Variants in COQ5 observed in about 807,000 individuals in gnomAD.
COQ5 encodes the protein 2-methoxy-6-polyprenyl-1,4-benzoquinol methylase, mitochondrial.
COQ5 carries 27 observed loss-of-function variants against 40.5 expected under a neutral mutation model. The ratio of observed to expected loss-of-function variants is 0.67; its 90% CI spans 0.49 to 0.92. The LOEUF is 0.92. COQ5 is among the 40% of genes least tolerant of loss of function. COQ5 has a pLI of 0.00. For missense variants in COQ5, 409 were observed against 406.4 expected (o/e 1.01, Z -0.06); for synonymous variants, 141 against 150.0 (o/e 0.94, Z 0.44).
intron 4 of COQ5, among the ~76,000 whole-genome samples, chr12:120,508,737 T>A (rs547704857): frequency 1.4e-4 from 22 of 152,058 alleles, no homozygotes; most frequent in South Asian, 8.3e-4. Flanking sequence ...TATTAAAAAA[T>A]TTTTTTCCCC....
chr12:120,505,368 C>CT (rs749349147), intron 4 of COQ5, among the ~76,000 whole-genome samples: 2 of 149,526 alleles, frequency 1.3e-5, no homozygotes, highest in African/African-American at 2.5e-5. Flanking sequence ...GGGTTATTCA[C>CT]TTTTTTTTTT....
At chr12:120,509,204 G>GTTTTGAATA (rs971580518) in intron 4 of COQ5, among the ~76,000 whole-genome samples, 1 of 151,734 alleles carries the variant, frequency 6.6e-6, no homozygotes, top group African/African-American at 2.4e-5. Context: ...GTCTTCAAGT[G>GTTTTGAATA]TTTTGAACAG....
intron 3 of COQ5, among the ~76,000 whole-genome samples, chr12:120,515,035 A>G (rs1593018981): frequency 6.6e-6 from 1 of 150,660 alleles, no homozygotes; most frequent in Admixed American, 6.6e-5. Flanking sequence ...CAGGGGATCC[A>G]CCCCCCCTCG....
At position 120,503,675 on chromosome 12, in the gene COQ5, C is replaced by T. The variant is rs1868735856; in HGVS notation, c.*109G>A. On this transcript the variant is annotated 3_prime_UTR_variant, in exon 7 of 7. Transcript: ENST00000288532. ...TCGATTCAAACATGAGTCCAAGGCA[C>T]GTATCCTTAAGAGGAGATGCTCTGC... The T allele has an allele frequency of 5.0e-6, 4 of 797,258 alleles. No individual in the cohort carries two copies. The highest frequency in any genetic ancestry group is 1.7e-5 in the African/African-American group (1 of 58,758). The allele number at this position is 797,258 out of a possible 1,614,324, so 49.4% of individuals were successfully genotyped here. A position where few individuals can be genotyped will look rare whatever the true frequency, so the allele number is the denominator to read the frequency against.
At chr12:120,519,338 C>A (rs1869535405) in intron 2 of COQ5, among the ~76,000 whole-genome samples, 1 of 152,114 alleles carries the variant, frequency 6.6e-6, no homozygotes, top group Non-Finnish European at 1.5e-5. Flanking sequence ...GTGGGCGGAT[C>A]ACCTTAGGTC....
At chr12:120,510,579 G>A (rs1565929889) in intron 3 of COQ5, among the ~76,000 whole-genome samples, 1 of 152,146 alleles carries the variant, frequency 6.6e-6, no homozygotes. Context: ...CTCCCAAAGT[G>A]CTGGAATTAC....
chr12:120,516,431 A>G, intron 3 of COQ5, 136 bp downstream of exon 3: 1 of 798,412 alleles, frequency 1.3e-6, no homozygotes, highest in Non-Finnish European at 2.2e-6. Flanking sequence ...AGATTCAGCC[A>G]TGCAAATCAT....
intron 2 of COQ5, among the ~76,000 whole-genome samples, chr12:120,518,471 C>T (rs942576243): frequency 6.7e-6 from 1 of 149,702 alleles, no homozygotes; most frequent in African/African-American, 2.4e-5. Context: ...TTTGTTTTTC[C>T]TACACTATTT....
chr12:120,523,541 C>A, intron 1 of COQ5: 1 of 196,494 alleles, frequency 5.1e-6, no homozygotes, highest in South Asian at 7.8e-5. Context: ...AAATGTACTT[C>A]ATGGAAGAAA....
chr12:120,522,884 G>C, intron 1 of COQ5: 2 of 722,352 alleles, frequency 2.8e-6, no homozygotes, highest in African/African-American at 1.7e-5. Context: ...TAACCTCCTT[G>C]GGCTTTACAA....
chr12:120,503,842 A>G lies in COQ5; in HGVS notation c.926T>C (p.Val309Ala), dbSNP rs141304059. 2.7e-4 allele frequency: 443 copies of G among 1,614,196 alleles called. No homozygotes were observed. The highest frequency in any genetic ancestry group is 1.2e-3 in the Middle Eastern group (7 of 6,062). ...GCCTGATGTTAGACTTTCGTAAGTC[A>G]CCTTGTGAAAGCCTGCATCTTCTAT... is the stretch of plus-strand genomic sequence containing the variant. ...DMIEDAGFHK[V>A]TYESLTSGIV... The change falls in exon 7 of 7, where the codon GTG becomes GCG. Residue 309 changes from valine (V) to alanine (A), a missense_variant. Transcript: ENST00000288532.
chr12:120,510,002 T>G lies in COQ5; in HGVS notation c.681+15A>C. 6.3e-7 allele frequency: 1 copy of G among 1,578,304 alleles called. No individual in the cohort carries two copies. ...TCCTGAGAGTCATACAAGCTGAGGA[T>G]GCAGCCATTCATACCTGATCAATGT... On this transcript the variant is annotated intron_variant, in intron 4 of 6. Coordinates refer to ENST00000288532, the MANE Select transcript of COQ5 (RefSeq NM_032314.4).
At position 120,510,033 on chromosome 12, in the gene COQ5, A is replaced by AC. The variant is rs1203494059; in HGVS notation, c.664dup (p.Val222GlyfsTer5). The AC allele has an allele frequency of 6.2e-7, 1 of 1,613,776 alleles. No individual in the cohort carries two copies. The highest frequency in any genetic ancestry group is 8.5e-7 in the Non-Finnish European group (1 of 1,179,746). ...CATTCATACCTGATCAATGTGTGTG[A>AC]CATTCCGGATCCCAAAGGCAATGGT... On this transcript the variant is annotated frameshift_variant, in exon 4 of 7. Transcript: ENST00000288532. LOFTEE classifies it high-confidence loss of function.
intron 2 of COQ5, among the ~76,000 whole-genome samples, chr12:120,519,432 C>T (rs1359389629): frequency 4.6e-5 from 7 of 152,146 alleles, no homozygotes; most frequent in East Asian, 1.9e-4. Flanking sequence ...TGATGATGGG[C>T]GCCTGTAATC....
At chr12:120,525,602 G>A (rs187064812) in intron 1 of COQ5, among the ~76,000 whole-genome samples, 1 of 152,222 alleles carries the variant, frequency 6.6e-6, no homozygotes, top group Admixed American at 6.5e-5. Flanking sequence ...ACCCCAGCCT[G>A]GGCAGCATAG....
chr12:120,521,668 G>C (rs748272981), intron 2 of COQ5, among the ~76,000 whole-genome samples: 3 of 109,524 alleles, frequency 2.7e-5, no homozygotes, highest in Non-Finnish European at 5.3e-5. Context: ...GACAGAGCAA[G>C]ACTCCATCTC....
At chr12:120,524,730 T>C (rs979378966) in intron 1 of COQ5, among the ~76,000 whole-genome samples, 5 of 152,172 alleles carry the variant, frequency 3.3e-5, no homozygotes, top group African/African-American at 1.2e-4. Context: ...GACTCTCTTC[T>C]GCTGAATCAG....
At chr12:120,506,656 C>T (rs1239299899) in intron 4 of COQ5, among the ~76,000 whole-genome samples, 1 of 144,614 alleles carries the variant, frequency 6.9e-6, no homozygotes, top group Non-Finnish European at 1.6e-5. Flanking sequence ...CTTGGGCCAC[C>T]ACGCCCAGCC....
At chr12:120,527,256 T>G (rs1869995855) in intron 1 of COQ5, 1 of 151,916 alleles carries the variant, frequency 6.6e-6, no homozygotes, top group Non-Finnish European at 1.5e-5. Flanking sequence ...CTAATTTTTT[T>G]TGTATTTTTA....
Sources: allele counts gnomAD v4.1 joint callset (sites outside exome capture counted in the v4.1 genomes callset), GRCh38; gene constraint gnomAD v4.1.1; transcripts MANE v1.5; gene names NCBI Gene and HGNC (gene_info 2026-07-23, HGNC 2026-07-21).